The following XKRX variants were observed in gnomAD, a reference collection of about 807,000 sequenced individuals.
The protein encoded by XKRX is XK related X-linked.
XKRX carries 11 observed loss-of-function variants against 22.4 expected under a neutral mutation model. The observed-to-expected ratio is 0.49, with a 90% CI of 0.31 to 0.81. The LOEUF is 0.81. XKRX is among the 40% of genes least tolerant of loss of function. The probability of loss-of-function intolerance (pLI) is 0.05; values close to 1 mark genes in which losing one functional copy is unlikely to be tolerated. For synonymous variants in XKRX, 114 were observed against 132.2 expected, an observed-to-expected ratio of 0.86 and a Z score of 0.94; for missense variants, 320 against 336.5, an observed-to-expected ratio of 0.95 and a Z score of 0.38.
chrX:100,939,252 G>A, the XKRX span, among the ~76,000 whole-genome samples: 1 of 111,680 alleles, frequency 9.0e-6, no homozygotes, highest in Non-Finnish European at 1.9e-5. Context: ...GGGAATATAT[G>A]TATTAATCTT....
chrX:100,903,927 C>G, the XKRX span, among the ~76,000 whole-genome samples: 4 of 111,877 alleles, frequency 3.6e-5, no homozygotes, highest in African/African-American at 9.7e-5. Flanking sequence ...TCTTCTATAG[C>G]TTGAATACAA....
the XKRX span, among the ~76,000 whole-genome samples, chrX:100,892,418 G>T: frequency 9.0e-6 from 1 of 111,295 alleles, no homozygotes; most frequent in Non-Finnish European, 1.9e-5. Context: ...AACATCCCAT[G>T]TGCCCCACAA....
At chrX:100,897,070 T>A in the XKRX span, among the ~76,000 whole-genome samples, 1 of 111,260 alleles carries the variant, frequency 9.0e-6, no homozygotes, top group Non-Finnish European at 1.9e-5. Flanking sequence ...CTTTCCATAG[T>A]CTTAATGTTA....
the XKRX span, chrX:100,956,729 T>C: frequency 2.1e-4 from 116 of 553,955 alleles, no homozygotes; most frequent in Non-Finnish European, 5.0e-5. Context: ...TCAATTATTA[T>C]TAATATCATT....
At chrX:100,947,690 C>T in the XKRX span, among the ~76,000 whole-genome samples, 1 of 111,719 alleles carries the variant, frequency 9.0e-6, no homozygotes, top group African/African-American at 3.3e-5. Context: ...ATCATCTATC[C>T]ACTTGGCATT....
chrX:100,953,904 A>G, the XKRX span, among the ~76,000 whole-genome samples: 35 of 5,235 alleles, frequency 6.7e-3, 1 homozygote, highest in Non-Finnish European at 0.012. Flanking sequence ...GTGAGACTCT[A>G]AAAAAAAAAA....
At chrX:100,899,934 T>C in the XKRX span, among the ~76,000 whole-genome samples, 6 of 112,294 alleles carry the variant, frequency 5.3e-5, no homozygotes, top group African/African-American at 1.9e-4. Flanking sequence ...AAGTGATCTA[T>C]AGATTCAATG....
At chrX:100,931,188 G>T (rs1425204863), upstream of XKRX, among the ~76,000 whole-genome samples, 4 of 106,159 alleles carry the variant, frequency 3.8e-5, no homozygotes, top group Admixed American at 1.0e-4. Context: ...GTAAAGCTAA[G>T]AAGAAGAATG....
the XKRX span, among the ~76,000 whole-genome samples, chrX:100,944,942 A>G: frequency 8.9e-6 from 1 of 111,778 alleles, no homozygotes; most frequent in Non-Finnish European, 1.9e-5. Context: ...GCCATATGAC[A>G]TCAGTGTTAA....
At chrX:100,888,029 A>G in the XKRX span, 3 of 1,114,348 alleles carry the variant, frequency 2.7e-6, no homozygotes, top group East Asian at 9.0e-5. Flanking sequence ...GGCTGGAAGA[A>G]GCACTAGCCA....
chrX:100,890,704 A>T, the XKRX span, among the ~76,000 whole-genome samples: 3 of 111,204 alleles, frequency 2.7e-5, no homozygotes, highest in Admixed American at 2.9e-4. Context: ...ATCACTAGGG[A>T]CATCTGGCAA....
chrX:100,932,340 A>G (rs948970290), upstream of XKRX, among the ~76,000 whole-genome samples: 2 of 110,501 alleles, frequency 1.8e-5, no homozygotes, highest in African/African-American at 6.6e-5. Context: ...AGGCTCTAGG[A>G]ACCCCTGTCC....
At chrX:100,930,245 C>G (rs1054273945), upstream of XKRX, among the ~76,000 whole-genome samples, 4 of 107,750 alleles carry the variant, frequency 3.7e-5, no homozygotes, top group Non-Finnish European at 7.7e-5. Flanking sequence ...GCTGAGATCA[C>G]GCCACTGCAC....
the XKRX span, among the ~76,000 whole-genome samples, chrX:100,887,071 C>A: frequency 8.9e-6 from 1 of 111,918 alleles, no homozygotes; most frequent in African/African-American, 3.2e-5. Context: ...ACCAATAATT[C>A]CATGATTTTG....
the XKRX span, among the ~76,000 whole-genome samples, chrX:100,902,505 C>A: frequency 9.0e-6 from 1 of 111,640 alleles, no homozygotes; most frequent in Admixed American, 9.6e-5. Context: ...AAAGTATTAG[C>A]AAATTTAATC....
the XKRX span, among the ~76,000 whole-genome samples, chrX:100,903,277 A>G: frequency 8.9e-6 from 1 of 112,191 alleles, no homozygotes; most frequent in African/African-American, 3.2e-5. Context: ...ATGGATTGGG[A>G]AGAAAGAAAT....
chrX:100,888,717 A>T, the XKRX span: 1 of 274,515 alleles, frequency 3.6e-6, no homozygotes, highest in Non-Finnish European at 6.4e-6. Context: ...GTCCTTTTTG[A>T]GAAGGTGGCA....
At chrX:100,920,630 A>T (rs2085467519) in intron 2 of XKRX, among the ~76,000 whole-genome samples, 2 of 112,663 alleles carry the variant, frequency 1.8e-5, no homozygotes, top group African/African-American at 6.4e-5. Flanking sequence ...CATACAGAAG[A>T]ATTTTAAAAA....
At chrX:100,898,851 TC>T in the XKRX span, among the ~76,000 whole-genome samples, 1 of 111,176 alleles carries the variant, frequency 9.0e-6, no homozygotes, top group Non-Finnish European at 1.9e-5. Flanking sequence ...ATTTTTTGAC[TC>T]CTGGCATTAA....
Sources: allele counts gnomAD v4.1 joint callset (sites outside exome capture counted in the v4.1 genomes callset), GRCh38; gene constraint gnomAD v4.1.1; transcripts MANE v1.5; gene names NCBI Gene and HGNC (gene_info 2026-07-23, HGNC 2026-07-21).